Variants in CRTAC1 observed in about 807,000 individuals in gnomAD.
CRTAC1 encodes cartilage acidic protein 1.
A neutral mutation model predicts 67.8 loss-of-function variants in CRTAC1; 37 were observed. The ratio of observed to expected loss-of-function variants is 0.55; its 90% CI spans 0.42 to 0.72. The LOEUF (loss-of-function observed/expected upper bound fraction) is 0.72, where lower values mean the gene tolerates loss of function less well. Among genes scored for constraint, CRTAC1 ranks in the 30% least tolerant of loss-of-function variants. The probability of loss-of-function intolerance (pLI) is 0.00; values close to 1 mark genes in which losing one functional copy is unlikely to be tolerated. For synonymous variants in CRTAC1, 348 were observed against 371.0 expected, an observed-to-expected ratio of 0.94 and a Z score of 0.71; for missense variants, 780 against 931.6, an observed-to-expected ratio of 0.84 and a Z score of 2.12.
chr10:97,884,600 A>G (rs1476540511), intron 11 of CRTAC1: 13 of 437,360 alleles, frequency 3.0e-5, no homozygotes, highest in Non-Finnish European at 4.0e-5. Context: ...AGCCACTGGT[A>G]ACATGTGGCT....
intron 1 of CRTAC1, among the ~76,000 whole-genome samples, chr10:98,024,583 A>G (rs1372362718): frequency 6.6e-6 from 1 of 152,110 alleles, no homozygotes; most frequent in Admixed American, 6.6e-5. Context: ...GGCTGGAACC[A>G]ACTTACAGGG....
intron 2 of CRTAC1, among the ~76,000 whole-genome samples, chr10:97,973,245 C>T (rs1483696420): frequency 6.6e-6 from 1 of 152,168 alleles, no homozygotes; most frequent in Non-Finnish European, 1.5e-5. Flanking sequence ...GCACAAACTC[C>T]CCAGCCACTG....
intron 14 of CRTAC1, chr10:97,879,865 T>TGGGGGTGGGGGG: frequency 7.9e-5 from 18 of 226,610 alleles, no homozygotes; most frequent in Admixed American, 1.7e-4. Context: ...GGGGACGGGG[T>TGGGGGTGGGGGG]GGGGGTGGAG....
At chr10:97,979,394 G>A (rs187282219) in intron 2 of CRTAC1, among the ~76,000 whole-genome samples, 137 of 152,312 alleles carry the variant, frequency 9.0e-4, no homozygotes, top group Non-Finnish European at 1.6e-3. Flanking sequence ...GAGAATCCTT[G>A]TCTTTGCCCA....
intron 11 of CRTAC1, among the ~76,000 whole-genome samples, chr10:97,888,292 T>C (rs1202134425): frequency 6.6e-6 from 1 of 152,084 alleles, no homozygotes; most frequent in African/African-American, 2.4e-5. Context: ...GTGAGAGAGA[T>C]GGGTCATTTC....
chr10:97,988,544 A>C (rs900492158), intron 2 of CRTAC1, among the ~76,000 whole-genome samples: 12 of 151,960 alleles, frequency 7.9e-5, no homozygotes, highest in African/African-American at 2.9e-4. Flanking sequence ...CAACATGGTG[A>C]CTCCGTCTCT....
intron 2 of CRTAC1, among the ~76,000 whole-genome samples, chr10:97,984,798 C>T (rs759544957): frequency 2.6e-5 from 4 of 152,110 alleles, no homozygotes; most frequent in African/African-American, 4.8e-5. Context: ...GTCTGACTTA[C>T]GTGAAAAGGA....
chr10:97,991,674 A>G (rs1365407255), intron 2 of CRTAC1, among the ~76,000 whole-genome samples: 1 of 152,186 alleles, frequency 6.6e-6, no homozygotes, highest in East Asian at 1.9e-4. Flanking sequence ...CCACAATGGT[A>G]GGAAGTACTA....
At chr10:97,922,263 TG>T (rs1331009233) in intron 4 of CRTAC1, among the ~76,000 whole-genome samples, 1 of 152,182 alleles carries the variant, frequency 6.6e-6, no homozygotes, top group African/African-American at 2.4e-5. Flanking sequence ...CAGCCCAGCT[TG>T]GCTTCTCTTC....
chr10:97,879,598 G>A (rs2050184975), intron 14 of CRTAC1: 2 of 1,480,030 alleles, frequency 1.4e-6, no homozygotes, highest in Non-Finnish European at 1.8e-6. Context: ...ACTGGGCGTG[G>A]AGAGAGAGAC....
intron 2 of CRTAC1, among the ~76,000 whole-genome samples, chr10:97,946,581 T>C (rs2051267988): frequency 6.6e-6 from 1 of 152,102 alleles, no homozygotes; most frequent in Admixed American, 6.5e-5. Context: ...TTTCAACTAG[T>C]AGCAAGGCCA....
At chr10:97,888,796 C>G (rs567859055) in intron 11 of CRTAC1, among the ~76,000 whole-genome samples, 2 of 152,090 alleles carry the variant, frequency 1.3e-5, no homozygotes, top group African/African-American at 4.8e-5. Context: ...AGCAGAAGAG[C>G]GCCCCCCATT....
chr10:97,996,654 A>G (rs1290418155), intron 2 of CRTAC1, among the ~76,000 whole-genome samples: 1 of 152,226 alleles, frequency 6.6e-6, no homozygotes, highest in African/African-American at 2.4e-5. Context: ...AACTAGTTCA[A>G]CCATTGTGGA....
intron 1 of CRTAC1, among the ~76,000 whole-genome samples, chr10:98,015,832 G>T (rs1050015981): frequency 6.6e-6 from 1 of 152,192 alleles, no homozygotes; most frequent in Non-Finnish European, 1.5e-5. Flanking sequence ...CCAGGTGGTG[G>T]TGGTGATATT....
intron 14 of CRTAC1, chr10:97,865,939 G>T: frequency 1.7e-6 from 1 of 577,798 alleles, no homozygotes; most frequent in Non-Finnish European, 2.9e-6. Context: ...CTTCCCGATG[G>T]GGCTGGTCTG....
intron 2 of CRTAC1, among the ~76,000 whole-genome samples, chr10:97,954,824 C>A (rs1258761660): frequency 1.3e-5 from 2 of 152,174 alleles, no homozygotes; most frequent in South Asian, 2.1e-4. Context: ...ACGTTCCCTG[C>A]CTTTTCTACC....
chr10:97,968,529 C>T (rs1190017257), intron 2 of CRTAC1, among the ~76,000 whole-genome samples: 4 of 152,204 alleles, frequency 2.6e-5, no homozygotes, highest in Non-Finnish European at 5.9e-5. Context: ...TGAGCCACCA[C>T]GCCCAGCTTG....
Position 97,904,812 on chromosome 10 carries a change from C to T in CRTAC1, c.853G>A (p.Val285Met). The T allele has an allele frequency of 1.3e-6, 2 of 1,594,782 alleles. No homozygotes were observed. The highest frequency in any genetic ancestry group is 1.7e-6 in the Non-Finnish European group (2 of 1,172,666). The change falls in exon 7 of 15, where the codon GTG becomes ATG. Residue 285 changes from valine to methionine, a missense_variant and splice_region_variant. Physicochemically the swap from Val to Met is conservative, Grantham distance 21. Coordinates refer to ENST00000370597, the MANE Select transcript of CRTAC1 (RefSeq NM_018058.7). ...TFVDAAASAG[V>M]DDPHQHGRGV... ...CGCCCATGCTGGTGGGGGTCGTCCA[C>T]ACCTGGGGAGGAGAGGCAGGAACTC... is the stretch of plus-strand genomic sequence containing the variant.
At chr10:97,945,832 G>T (rs1301675736) in intron 2 of CRTAC1, among the ~76,000 whole-genome samples, 2 of 152,162 alleles carry the variant, frequency 1.3e-5, no homozygotes, top group Non-Finnish European at 2.9e-5. Flanking sequence ...GGGATGGTTG[G>T]CACCAAAAGG....
Sources: allele counts gnomAD v4.1 joint callset (sites outside exome capture counted in the v4.1 genomes callset), GRCh38; gene constraint gnomAD v4.1.1; transcripts MANE v1.5; gene names NCBI Gene and HGNC (gene_info 2026-07-23, HGNC 2026-07-21).